PKLR: variants seen among roughly 807,000 people sequenced by gnomAD.
PKLR encodes the protein pyruvate kinase PKLR.
A neutral mutation model predicts 53.6 loss-of-function variants in PKLR; 38 were observed. The ratio of observed to expected loss-of-function variants is 0.71; its 90% confidence interval spans 0.55 to 0.93. The LOEUF (loss-of-function observed/expected upper bound fraction) is 0.93, where lower values mean the gene tolerates loss of function less well. Ranked by LOEUF, PKLR falls within the 40% of genes least tolerant of loss-of-function variation. The probability of loss-of-function intolerance (pLI) is 0.00; values close to 1 mark genes in which losing one functional copy is unlikely to be tolerated. For synonymous variants in PKLR, 328 were observed against 316.2 expected (o/e 1.04, Z -0.39); for missense variants, 702 against 787.3 (o/e 0.89, Z 1.30).
intron 9 of PKLR, among the ~76,000 whole-genome samples, chr1:155,292,241 G>GAAAAAAAAAAAAAAAAA (rs57484820): frequency 1.4e-5 from 2 of 138,102 alleles, no homozygotes; most frequent in Non-Finnish European, 3.1e-5. Context: ...TCTGCATTAA[G>GAAAAAAAAAAAAAAAAA]AAAAAAAAAA....
rs189687581 is a variant in PKLR at position 155,298,272 on chromosome 1, G to A, written c.283+1826C>T. 7.5e-4 allele frequency among the ~76,000 whole-genome samples: 114 copies of A among 151,828 alleles called. 1 individual carries two copies. Among genetic ancestry groups the A allele is most frequent in the Admixed American group, 6.2e-3 (95 of 15,252 alleles). ...GATGGTATCGATCTCTTGACCTCGT[G>A]ATCAGTCTGCCTCGGCCTCCCAAAG... On this transcript the variant is annotated intron_variant, in intron 2 of 10. Transcript: ENST00000342741.
chr1:155,295,272 C>T lies in PKLR; in HGVS notation c.538G>A (p.Gly180Ser). The T allele has an allele frequency of 6.2e-7, 1 of 1,614,110 alleles. No individual in the cohort carries two copies. The highest frequency in any genetic ancestry group is 2.2e-5 in the East Asian group (1 of 44,872). ...GPESEVELVK[G>S]SQVLVTVDPA... Reference sequence around the variant, plus strand: ...TCCACAGTCACCAGCACCTGGGAGCCCTTCACCAGCTCCACTTCCGACTCT... The same window carrying T: ...TCCACAGTCACCAGCACCTGGGAGCTCTTCACCAGCTCCACTTCCGACTCT... The change falls in exon 5 of 11, where the codon GGC becomes AGC. Residue 180 changes from glycine to serine, a missense_variant. This residue lies in a region of PKLR where 519 missense variants were observed against 537.1 expected (regional missense o/e 0.97). Coordinates refer to ENST00000342741, the MANE Select transcript of PKLR (RefSeq NM_000298.6). The surrounding 1 kb of genome is among the most constrained non-coding windows in gnomAD (Gnocchi z 4.3).
intron 2 of PKLR, among the ~76,000 whole-genome samples, chr1:155,298,971 T>TTTCC (rs1304996788): frequency 2.6e-5 from 2 of 76,950 alleles, no homozygotes; most frequent in Non-Finnish European, 4.7e-5. Context: ...TCTTTCTTTC[T>TTTCC]TTCTTTCTTT....
intron 1 of PKLR, chr1:155,300,753 C>A: frequency 9.4e-7 from 1 of 1,058,554 alleles, no homozygotes; most frequent in Non-Finnish European, 1.4e-6. Context: ...CTTCCAACCC[C>A]TGGCTACTGG....
upstream of PKLR, among the ~76,000 whole-genome samples, chr1:155,303,969 G>A (rs530259616): frequency 8.5e-5 from 13 of 152,300 alleles, no homozygotes; most frequent in African/African-American, 2.2e-4. Context: ...GGAAGAAAAA[G>A]CTTGGTGCCA....
intron 1 of PKLR, chr1:155,300,994 G>A (rs540794801): frequency 1.3e-6 from 2 of 1,555,486 alleles, no homozygotes; most frequent in South Asian, 2.4e-5. Context: ...CTGCAGACTG[G>A]TTAAAGTGTC....
At position 155,293,121 on chromosome 1, in the gene PKLR, T is replaced by TGCC; in HGVS notation, c.1436+55_1436+56insGGC. ...AGACTAAACCCAAGCCTGGGGCCCG[T>TGCC]CCCAGCCCACCCCTGACCCAAAGCT... On this transcript the variant is annotated intron_variant, in intron 9 of 10. Coordinates refer to ENST00000342741, the MANE Select transcript of PKLR (RefSeq NM_000298.6). This position sits in a 1 kb window ranked among gnomAD's most constrained non-coding sequence, Gnocchi z 4.2. 12 of 1,542,286 alleles carry TGCC rather than the reference T, an allele frequency of 7.8e-6. No homozygotes were observed. Among genetic ancestry groups the TGCC allele is most frequent in the South Asian group, 1.1e-5 (1 of 89,708 alleles).
chr1:155,295,422 A>T lies in PKLR; in HGVS notation c.507+15T>A, dbSNP rs1453709947. On this transcript the variant is annotated intron_variant, in intron 4 of 10. Transcript: ENST00000342741. This position sits in a 1 kb window ranked among gnomAD's most constrained non-coding sequence, Gnocchi z 4.3. Reference sequence around the variant, plus strand: ...TTCCGGCCCTGGCCCAGCGAGTCCCAGCCCCACTGCTCACCCCCTGCAGGA... The same window carrying T: ...TTCCGGCCCTGGCCCAGCGAGTCCCTGCCCCACTGCTCACCCCCTGCAGGA... 8 of 1,611,196 alleles carry T rather than the reference A, an allele frequency of 5.0e-6. No individual in the cohort carries two copies. The highest frequency in any genetic ancestry group is 6.8e-6 in the Non-Finnish European group (8 of 1,178,754).
Position 155,290,477 on chromosome 1 carries a change from G to T in PKLR, c.*95C>A. On this transcript the variant is annotated 3_prime_UTR_variant, in exon 11 of 11. Coordinates refer to ENST00000342741, the MANE Select transcript of PKLR (RefSeq NM_000298.6). The stretch of plus-strand genomic sequence containing the variant: ...AGGAATAGAGAAGAGAGGACTTAAA[G>T]GTGGGGCTTTGGAGGGGTGTGGGCT... 1.3e-6 allele frequency: 1 copy of T among 759,088 alleles called. No individual in the cohort carries two copies. The highest frequency in any genetic ancestry group is 1.4e-5 in the South Asian group (1 of 69,874). The allele number at this position is 759,088 out of a possible 1,614,324, so 47.0% of individuals were successfully genotyped here.
rs1647318262 is a variant in PKLR at position 155,293,174 on chromosome 1, C to T, written c.1436+3G>A. The T allele has an allele frequency of 6.2e-7, 1 of 1,613,860 alleles. No individual in the cohort carries two copies. The highest frequency in any genetic ancestry group is 2.2e-5 in the East Asian group (1 of 44,884). On this transcript the variant is annotated splice_donor_region_variant and intron_variant, in intron 9 of 10. Transcript: ENST00000342741. This position sits in a 1 kb window ranked among gnomAD's most constrained non-coding sequence, Gnocchi z 4.2. ...ATCTGGACATTCCCAATATCCCCCT[C>T]ACCGGCCAGTTGTGGTCAGCACAAT...
chr1:155,298,672 G>A (rs1313400903), intron 2 of PKLR, among the ~76,000 whole-genome samples: 2 of 148,676 alleles, frequency 1.3e-5, no homozygotes, highest in African/African-American at 2.5e-5. Flanking sequence ...ACAGAGTTTC[G>A]CTCTTGTTGC....
Position 155,293,244 on chromosome 1 carries a change from T to C in PKLR, c.1369A>G (p.Ile457Val), listed in dbSNP as rs377022809. The C allele has an allele frequency of 8.7e-6, 14 of 1,613,852 alleles. No individual in the cohort carries two copies. The highest frequency in any genetic ancestry group is 2.7e-5 in the African/African-American group (2 of 74,866). The change falls in exon 9 of 11, where the codon ATT becomes GTT. Residue 457 changes from isoleucine (I) to valine (V), a missense_variant. Transcript: ENST00000342741. The surrounding 1 kb of genome is among the most constrained non-coding windows in gnomAD (Gnocchi z 4.2). Reference protein sequence around the residue: ...LSRDPTEVTAIGAVEAAFKCC... With the variant: ...LSRDPTEVTAVGAVEAAFKCC... ...TTGAAGGCAGCCTCCACAGCACCAA[T>C]GGCGGTGACCTCAGTGGGATCACGG...
intron 1 of PKLR, chr1:155,300,925 TCTGC>T: frequency 6.2e-7 from 1 of 1,603,544 alleles, no homozygotes; most frequent in Non-Finnish European, 8.5e-7. Context: ...TCTCTGTGGG[TCTGC>T]TCCACACTGT....
At position 155,290,643 on chromosome 1, in the gene PKLR, C is replaced by T. The variant is rs370316462; in HGVS notation, c.1654G>A (p.Val552Met). 1 of 1,613,400 alleles carries T rather than the reference C, an allele frequency of 6.2e-7. No homozygotes were observed. The highest frequency in any genetic ancestry group is 8.5e-7 in the Non-Finnish European group (1 of 1,179,502). The change falls in exon 11 of 11, where the codon GTG becomes ATG. Residue 552 changes from valine to methionine, a missense_variant. Physicochemically the swap from Val to Met is conservative, Grantham distance 21. Coordinates refer to ENST00000342741, the MANE Select transcript of PKLR (RefSeq NM_000298.6). ...GGTCGCCAGCCTGTCACCACAATCA[C>T]CAGGTCTCCAACACGGAGGAAGCCA... ...LRGFLRVGDL[V>M]IVVTGWRPGS...
At chr1:155,300,051 A>G (rs780856675) in intron 2 of PKLR, 47 bp downstream of exon 2, 1 of 1,551,956 alleles carries the variant, frequency 6.4e-7, no homozygotes, top group South Asian at 1.1e-5. Context: ...GCACCTCAAG[A>G]AATACCAATA....
intron 2 of PKLR, among the ~76,000 whole-genome samples, chr1:155,299,726 G>A (rs547725028): frequency 5.2e-4 from 78 of 149,950 alleles, no homozygotes; most frequent in African/African-American, 1.6e-3. Flanking sequence ...GGCTAGTCTC[G>A]AACTCCTGAC....
upstream of PKLR, among the ~76,000 whole-genome samples, chr1:155,303,750 TGA>T (rs1648154343): frequency 6.6e-6 from 1 of 152,044 alleles, no homozygotes; most frequent in Non-Finnish European, 1.5e-5. Context: ...CTCAGCTTCC[TGA>T]GTAGCTGGGA....
upstream of PKLR, among the ~76,000 whole-genome samples, chr1:155,304,567 G>T (rs566913867): frequency 6.6e-6 from 1 of 152,110 alleles, no homozygotes; most frequent in Non-Finnish European, 1.5e-5. Context: ...GGGACGGCTT[G>T]GAGATGCATT....
chr1:155,299,153 C>G (rs1304867615), intron 2 of PKLR, among the ~76,000 whole-genome samples: 1 of 136,308 alleles, frequency 7.3e-6, no homozygotes, highest in Admixed American at 7.4e-5. Context: ...TTCCTTCCTT[C>G]CTTCTTTCTC....
Sources: allele counts gnomAD v4.1 joint callset (sites outside exome capture counted in the v4.1 genomes callset), GRCh38; gene constraint gnomAD v4.1.1; regional missense constraint gnomAD v4.1.1; non-coding constraint Gnocchi (gnomAD v3.1); transcripts MANE v1.5; gene names NCBI Gene and HGNC (gene_info 2026-07-23, HGNC 2026-07-21).